HS3ST4: variants seen among roughly 807,000 people sequenced by gnomAD.
The protein encoded by HS3ST4 is heparan sulfate-glucosamine 3-sulfotransferase 4, also known as heparan sulfate glucosamine 3-O-sulfotransferase 4.
In HS3ST4, 17 loss-of-function variants were observed where a neutral mutation model predicts 29.2. That is an observed-to-expected ratio of 0.58 (90% CI 0.40 to 0.87). The LOEUF (loss-of-function observed/expected upper bound fraction) is 0.87. Ranked by LOEUF, HS3ST4 falls within the 40% of genes least tolerant of loss-of-function variation. The probability of loss-of-function intolerance (pLI) is 0.00; values close to 1 mark genes in which losing one functional copy is unlikely to be tolerated. For synonymous variants in HS3ST4, 314 were observed against 285.7 expected, an observed-to-expected ratio of 1.10 and a Z score of -1.00; for missense variants, 627 against 634.5, an observed-to-expected ratio of 0.99 and a Z score of 0.13.
At chr16:26,063,706 A>G (rs1430117120) in intron 1 of HS3ST4, among the ~76,000 whole-genome samples, 2 of 152,052 alleles carry the variant, frequency 1.3e-5, no homozygotes, top group African/African-American at 4.8e-5. Flanking sequence ...TTAAAAAAAT[A>G]AAGAAAGAAA....
At chr16:25,709,704 G>C (rs11644254) in intron 1 of HS3ST4, among the ~76,000 whole-genome samples, 29,346 of 151,758 alleles carry the variant, frequency 0.19, 3,251 homozygotes, top group South Asian at 0.42. Context: ...GGAAGGAAGA[G>C]AAGAAGAGAG....
intron 1 of HS3ST4, among the ~76,000 whole-genome samples, chr16:25,716,402 A>G (rs1966454689): frequency 6.6e-6 from 1 of 152,192 alleles, no homozygotes; most frequent in Non-Finnish European, 1.5e-5. Flanking sequence ...TGCTGTGGCA[A>G]CTTCTGGGAA....
intron 1 of HS3ST4, among the ~76,000 whole-genome samples, chr16:25,741,248 A>G (rs1443002977): frequency 6.6e-6 from 1 of 150,824 alleles, no homozygotes; most frequent in Admixed American, 6.6e-5. Context: ...TAAATGATGT[A>G]CTCCTCAGTC....
intron 1 of HS3ST4, among the ~76,000 whole-genome samples, chr16:25,731,280 C>T (rs4417556): frequency 0.049 from 7,445 of 152,240 alleles, 314 homozygotes; most frequent in African/African-American, 0.11. Context: ...CTGCATATCA[C>T]ATTGTTAGCA....
chr16:25,714,887 T>C (rs977707691), intron 1 of HS3ST4, among the ~76,000 whole-genome samples: 2 of 152,220 alleles, frequency 1.3e-5, no homozygotes, highest in African/African-American at 2.4e-5. Context: ...GCTCTGGAAA[T>C]GTTTGTATAG....
intron 1 of HS3ST4, among the ~76,000 whole-genome samples, chr16:25,924,809 A>G (rs1158726729): frequency 6.6e-6 from 1 of 152,202 alleles, no homozygotes; most frequent in Non-Finnish European, 1.5e-5. Flanking sequence ...ACTGATGAGC[A>G]ACTAACCTCT....
intron 1 of HS3ST4, among the ~76,000 whole-genome samples, chr16:26,119,993 T>G (rs1287352712): frequency 2.0e-5 from 3 of 151,498 alleles, no homozygotes; most frequent in Non-Finnish European, 4.4e-5. Flanking sequence ...GATGAGGAGG[T>G]GAAGTTTGCA....
chr16:26,007,123 C>T (rs922315132), intron 1 of HS3ST4, among the ~76,000 whole-genome samples: 7 of 152,208 alleles, frequency 4.6e-5, no homozygotes, highest in Admixed American at 6.5e-5. Flanking sequence ...CTTGAACTAT[C>T]GGAAGATCTG....
intron 1 of HS3ST4, among the ~76,000 whole-genome samples, chr16:26,002,800 A>G (rs577319848): frequency 6.6e-6 from 1 of 151,942 alleles, no homozygotes; most frequent in African/African-American, 2.4e-5. Context: ...AAAAAGAAAG[A>G]AGGAAAGAAA....
rs80077647 is a variant in HS3ST4, at chr16:26,098,988, G to T, written c.735-36624G>T. Among the ~76,000 whole-genome samples the T allele has an allele frequency of 2.8e-3, 433 of 152,200 alleles. 7 individuals are homozygous for T. The highest frequency in any genetic ancestry group is 0.022 in the East Asian group (113 of 5,172). On this transcript the variant is annotated intron_variant, in intron 1 of 1. Coordinates refer to ENST00000331351, the MANE Select transcript of HS3ST4 (RefSeq NM_006040.3). ...CACTAAACGACAGGTGTGGTGGGAG[G>T]AATATGCCAAAATCAGCCTCTGGGA...
intron 1 of HS3ST4, among the ~76,000 whole-genome samples, chr16:26,124,357 TCTAAG>T (rs1445184578): frequency 1.3e-5 from 2 of 152,172 alleles, no homozygotes; most frequent in African/African-American, 2.4e-5. Flanking sequence ...TCTCTTTCTC[TCTAAG>T]CTAAGACTTA....
chr16:25,695,058 G>A (rs1019394191), intron 1 of HS3ST4, among the ~76,000 whole-genome samples: 2 of 152,204 alleles, frequency 1.3e-5, no homozygotes, highest in African/African-American at 4.8e-5. Context: ...GGAAGAGAAG[G>A]TATAGAAACT....
At chr16:26,077,770 C>T (rs1898679554) in intron 1 of HS3ST4, among the ~76,000 whole-genome samples, 1 of 152,188 alleles carries the variant, frequency 6.6e-6, no homozygotes, top group African/African-American at 2.4e-5. Context: ...TTTCAATAAG[C>T]CTCAAAAATG....
In HS3ST4 at chr16:25,971,126, C is replaced by A. The variant is rs151185691; in HGVS notation, c.735-164486C>A. On this transcript the variant is annotated intron_variant, in intron 1 of 1. Coordinates refer to ENST00000331351, the MANE Select transcript of HS3ST4 (RefSeq NM_006040.3). ...TCGGTCTCCCAGAGTGCTGGGATTA[C>A]AGGTGTGAGCCATTGCGTTCAGCCA... Among the ~76,000 whole-genome samples the A allele has an allele frequency of 4.6e-5, 7 of 152,284 alleles. No homozygotes were observed. The East Asian group carries it at 1.4e-3, about 29-fold the overall frequency.
chr16:26,003,550 T>G (rs928973286), intron 1 of HS3ST4, among the ~76,000 whole-genome samples: 3 of 152,188 alleles, frequency 2.0e-5, no homozygotes, highest in African/African-American at 7.2e-5. Context: ...AACTGAAGAC[T>G]TGGATGCCCC....
intron 1 of HS3ST4, among the ~76,000 whole-genome samples, chr16:25,804,905 T>G (rs899499139): frequency 2.0e-5 from 3 of 152,054 alleles, no homozygotes; most frequent in African/African-American, 7.2e-5. Flanking sequence ...TAGTTACTAT[T>G]ATTGTCTATT....
chr16:26,056,555 A>C (rs1449152665), intron 1 of HS3ST4, among the ~76,000 whole-genome samples: 1 of 152,200 alleles, frequency 6.6e-6, no homozygotes, highest in African/African-American at 2.4e-5. Flanking sequence ...GTGTTTAGAC[A>C]GTGCTCTTCC....
At chr16:25,805,322 G>A (rs1397129095) in intron 1 of HS3ST4, among the ~76,000 whole-genome samples, 1 of 152,144 alleles carries the variant, frequency 6.6e-6, no homozygotes, top group East Asian at 1.9e-4. Flanking sequence ...AGCCATAGCT[G>A]GCATCAGTTC....
intron 1 of HS3ST4, among the ~76,000 whole-genome samples, chr16:25,927,483 C>T (rs1968416283): frequency 1.3e-5 from 2 of 152,252 alleles, no homozygotes; most frequent in South Asian, 2.1e-4. Flanking sequence ...CATTCTCTTT[C>T]GGGACTAGGG....
Sources: gnomAD v4.1 joint callset for allele counts (sites outside exome capture counted in the v4.1 genomes callset) on GRCh38, gnomAD v4.1.1 for gene constraint, MANE v1.5 for transcripts, NCBI Gene and HGNC (gene_info 2026-07-23, HGNC 2026-07-21) for gene names.